The following GMDS variants were observed in gnomAD, a reference collection of about 807,000 sequenced individuals.
GMDS encodes GDP-mannose 4,6 dehydratase.
A neutral mutation model predicts 49.9 loss-of-function variants in GMDS; 20 were observed. That is an observed-to-expected ratio of 0.40 (90% CI 0.28 to 0.58). GMDS has a LOEUF of 0.58. Among genes scored for constraint, GMDS ranks in the 20% least tolerant of loss-of-function variants. The pLI is 0.42. For synonymous variants in GMDS, 177 were observed against 178.6 expected, an observed-to-expected ratio of 0.99 and a Z score of 0.07; for missense variants, 362 against 481.4, an observed-to-expected ratio of 0.75 and a Z score of 2.32.
intron 7 of GMDS, among the ~76,000 whole-genome samples, chr6:1,882,921 G>A (rs905984766): frequency 3.3e-5 from 5 of 152,204 alleles, no homozygotes; most frequent in African/African-American, 1.2e-4. Context: ...ACGAGTGATT[G>A]TTGTGAGGAT....
intron 9 of GMDS, among the ~76,000 whole-genome samples, chr6:1,723,385 G>T: frequency 6.8e-6 from 1 of 147,958 alleles, no homozygotes. Context: ...GGAGTGCAGT[G>T]GCACGACCTT....
At chr6:1,697,161 C>T (rs1489005833) in intron 9 of GMDS, among the ~76,000 whole-genome samples, 3 of 152,170 alleles carry the variant, frequency 2.0e-5, no homozygotes, top group Admixed American at 6.5e-5. Flanking sequence ...GTGATTCCTA[C>T]GTATGCCTCC....
At chr6:2,203,554 GGT>G (rs1354075509) in intron 1 of GMDS, among the ~76,000 whole-genome samples, 3 of 151,968 alleles carry the variant, frequency 2.0e-5, no homozygotes, top group African/African-American at 7.3e-5. Flanking sequence ...TGTGAATACT[GGT>G]GTGACATTTA....
At chr6:1,810,504 A>C (rs894809531) in intron 7 of GMDS, among the ~76,000 whole-genome samples, 2 of 152,012 alleles carry the variant, frequency 1.3e-5, no homozygotes, top group African/African-American at 4.8e-5. Flanking sequence ...GCTGGTCTCG[A>C]ACTCTTGACC....
chr6:2,131,210 A>G (rs897114641), intron 1 of GMDS, among the ~76,000 whole-genome samples: 2 of 152,192 alleles, frequency 1.3e-5, no homozygotes, highest in African/African-American at 4.8e-5. Context: ...GCACAACCCA[A>G]CATGTGTAAT....
At chr6:2,005,140 A>C (rs1219669597) in intron 4 of GMDS, among the ~76,000 whole-genome samples, 1 of 152,166 alleles carries the variant, frequency 6.6e-6, no homozygotes, top group Non-Finnish European at 1.5e-5. Flanking sequence ...GCTTAGTGGA[A>C]CTTTTTTCAG....
At chr6:2,017,634 G>A (rs768080568) in intron 4 of GMDS, among the ~76,000 whole-genome samples, 1 of 151,820 alleles carries the variant, frequency 6.6e-6, no homozygotes, top group Non-Finnish European at 1.5e-5. Flanking sequence ...TAACAACATA[G>A]GAATTAGGAG....
intron 4 of GMDS, among the ~76,000 whole-genome samples, chr6:2,043,127 C>T (rs1222521213): frequency 6.6e-6 from 1 of 152,224 alleles, no homozygotes; most frequent in Non-Finnish European, 1.5e-5. Context: ...TGCCGTCACT[C>T]AGCACCTCAG....
At chr6:1,940,816 G>C (rs1036958096) in intron 6 of GMDS, among the ~76,000 whole-genome samples, 1 of 152,238 alleles carries the variant, frequency 6.6e-6, no homozygotes, top group Non-Finnish European at 1.5e-5. Context: ...AAATTTGTAA[G>C]TCTTCCTTTC....
chr6:1,655,831 C>G (rs151097012), intron 9 of GMDS, among the ~76,000 whole-genome samples: 1 of 152,082 alleles, frequency 6.6e-6, no homozygotes, highest in African/African-American at 2.4e-5. Context: ...TATACAAAAC[C>G]GGAGACAAGA....
chr6:1,710,086 G>A (rs1267015342), intron 9 of GMDS, among the ~76,000 whole-genome samples: 1 of 152,152 alleles, frequency 6.6e-6, no homozygotes, highest in African/African-American at 2.4e-5. Flanking sequence ...TTATACTGCT[G>A]AAGTCCCTGA....
intron 9 of GMDS, among the ~76,000 whole-genome samples, chr6:1,689,987 C>G (rs1765118898): frequency 6.6e-6 from 1 of 152,026 alleles, no homozygotes; most frequent in African/African-American, 2.4e-5. Context: ...CATCTGTAAT[C>G]CCACCTACTA....
chr6:1,967,163 A>G (rs12173320), intron 4 of GMDS, among the ~76,000 whole-genome samples: 40,967 of 152,102 alleles, frequency 0.27, 6,656 homozygotes, highest in Non-Finnish European at 0.35. Context: ...CGTCCTTGCC[A>G]TTCTATCCTT....
intron 4 of GMDS, among the ~76,000 whole-genome samples, chr6:2,105,561 A>G (rs1355290386): frequency 6.6e-6 from 1 of 152,224 alleles, no homozygotes; most frequent in African/African-American, 2.4e-5. Flanking sequence ...ACCATGTAAC[A>G]ATTAATCCAT....
intron 1 of GMDS, among the ~76,000 whole-genome samples, chr6:2,201,349 G>A (rs1314565445): frequency 4.5e-5 from 6 of 133,754 alleles, no homozygotes; most frequent in African/African-American, 1.7e-4. Context: ...TAGCAGAGAG[G>A]TGAAGGATGA....
intron 9 of GMDS, among the ~76,000 whole-genome samples, chr6:1,713,286 T>C (rs1173841555): frequency 6.6e-6 from 1 of 152,242 alleles, no homozygotes; most frequent in Non-Finnish European, 1.5e-5. Context: ...TCGCCTCCAC[T>C]GGACTCCAGT....
intron 4 of GMDS, among the ~76,000 whole-genome samples, chr6:1,998,385 A>T (rs867572045): frequency 1.3e-5 from 2 of 152,132 alleles, no homozygotes; most frequent in Non-Finnish European, 2.9e-5. Context: ...AGTAAGAAAT[A>T]AGGAAAGGAA....
At chr6:1,697,539 C>T (rs1222149134) in intron 9 of GMDS, among the ~76,000 whole-genome samples, 4 of 152,200 alleles carry the variant, frequency 2.6e-5, no homozygotes, top group South Asian at 2.1e-4. Flanking sequence ...AAAACCTTGG[C>T]GCGCTGCAGC....
At chr6:1,808,904 C>CTCTCTGTG (rs1554121842) in intron 7 of GMDS, among the ~76,000 whole-genome samples, 1 of 149,326 alleles carries the variant, frequency 6.7e-6, no homozygotes, top group African/African-American at 2.5e-5. Context: ...CATGCTCTCT[C>CTCTCTGTG]TGTGTGTGTG....
Sources: allele counts gnomAD v4.1 joint callset (sites outside exome capture counted in the v4.1 genomes callset), GRCh38; gene constraint gnomAD v4.1.1; transcripts MANE v1.5; gene names NCBI Gene and HGNC (gene_info 2026-07-23, HGNC 2026-07-21).